The following EPB41L4B variants were observed in gnomAD, a reference collection of about 807,000 sequenced individuals.
The protein encoded by EPB41L4B is band 4.1-like protein 4B.
Under a neutral mutation model 112.5 loss-of-function variants are expected in EPB41L4B, and 30 were observed. The observed-to-expected ratio is 0.27, with a 90% CI of 0.20 to 0.36. The LOEUF (loss-of-function observed/expected upper bound fraction) is 0.36. Among genes scored for constraint, EPB41L4B ranks in the 10% least tolerant of loss-of-function variants. EPB41L4B has a pLI of 1.00. For synonymous variants in EPB41L4B, 408 were observed against 439.7 expected (o/e 0.93, Z 0.90); for missense variants, 1,024 against 1,133.3 (o/e 0.90, Z 1.38).
At chr9:109,309,753 CACAG>C (rs778487448) in intron 1 of EPB41L4B, among the ~76,000 whole-genome samples, 423 of 137,496 alleles carry the variant, frequency 3.1e-3, no homozygotes, top group African/African-American at 0.01. Flanking sequence ...GAAATACACA[CACAG>C]AGAGAGAGAG....
chr9:109,256,228 C>T lies in EPB41L4B; in HGVS notation c.841-4G>A, dbSNP rs371657885. 6 of 1,613,832 alleles carry T rather than the reference C, an allele frequency of 3.7e-6. No homozygotes were observed. The highest frequency in any genetic ancestry group is 1.1e-5 in the South Asian group (1 of 91,056). The stretch of plus-strand genomic sequence containing the variant: ...AATATTCACAGCCATCTCTTCCCTA[C>T]AAACAAACGAAGTGACAATCGGTAG... On this transcript the variant is annotated splice_region_variant and splice_polypyrimidine_tract_variant and intron_variant, in intron 8 of 25. Coordinates refer to ENST00000374566, the MANE Select transcript of EPB41L4B (RefSeq NM_019114.5).
chr9:109,217,136 G>A lies in EPB41L4B; in HGVS notation c.1419C>T (p.Leu473=). 1 of 1,613,836 alleles carries A rather than the reference G, an allele frequency of 6.2e-7. No homozygotes were observed. The highest frequency in any genetic ancestry group is 8.5e-7 in the Non-Finnish European group (1 of 1,180,038). Residue 473 remains leucine, a synonymous_variant, in exon 16 of 26, where the codon CTC becomes CTT. Coordinates refer to ENST00000374566, the MANE Select transcript of EPB41L4B (RefSeq NM_019114.5). The part of the protein sequence containing the change: ...HPHSPNVSYP[L]PSPVLSSSDR... ...CCGAGCTGCTAAGCACTGGGGAAGG[G>A]AGCGGGTAGCTGTGGAGGGTGACAC...
intron 17 of EPB41L4B, among the ~76,000 whole-genome samples, chr9:109,209,413 C>T (rs1033035927): frequency 1.2e-4 from 18 of 151,716 alleles, no homozygotes; most frequent in African/African-American, 3.9e-4. Flanking sequence ...GTAATCCCAG[C>T]GCTTTGGGAG....
chr9:109,298,238 A>T (rs1836814277), intron 1 of EPB41L4B, among the ~76,000 whole-genome samples: 1 of 151,958 alleles, frequency 6.6e-6, no homozygotes, highest in Non-Finnish European at 1.5e-5. Flanking sequence ...TAGAATCTTG[A>T]CTATAAGTTC....
intron 15 of EPB41L4B, among the ~76,000 whole-genome samples, chr9:109,226,648 TGAA>T (rs1181319379): frequency 3.8e-5 from 5 of 131,998 alleles, no homozygotes; most frequent in Non-Finnish European, 6.3e-5. Flanking sequence ...TATATATATA[TGAA>T]GAATATATAT....
intron 15 of EPB41L4B, among the ~76,000 whole-genome samples, chr9:109,237,023 G>A (rs1287923771): frequency 6.6e-6 from 1 of 152,192 alleles, no homozygotes; most frequent in Non-Finnish European, 1.5e-5. Flanking sequence ...TCTTTAATGA[G>A]CTCAGATTTT....
intron 24 of EPB41L4B, among the ~76,000 whole-genome samples, chr9:109,178,037 A>G (rs942713014): frequency 5.9e-5 from 9 of 151,290 alleles, no homozygotes; most frequent in Admixed American, 2.0e-4. Context: ...CTTCTGCCTA[A>G]GATTCTCAAG....
intron 1 of EPB41L4B, among the ~76,000 whole-genome samples, chr9:109,281,713 T>G (rs1294182632): frequency 7.6e-6 from 1 of 131,338 alleles, no homozygotes; most frequent in East Asian, 2.1e-4. Flanking sequence ...AATAAATAAA[T>G]AAATAAATAA....
intron 5 of EPB41L4B, among the ~76,000 whole-genome samples, chr9:109,263,509 G>A (rs755419648): frequency 1.1e-4 from 17 of 152,110 alleles, no homozygotes; most frequent in Admixed American, 2.6e-4. Flanking sequence ...AGGTCATAGC[G>A]TTAAAAATAA....
chr9:109,277,861 G>A (rs1348198999), intron 2 of EPB41L4B, among the ~76,000 whole-genome samples: 1 of 152,190 alleles, frequency 6.6e-6, no homozygotes, highest in East Asian at 1.9e-4. Context: ...ATCAAGGGAA[G>A]TTATCCTGGA....
chr9:109,267,468 C>A lies in EPB41L4B; in HGVS notation c.533+5G>T. The stretch of plus-strand genomic sequence containing the variant: ...GGCGGGAGCTTGTTCTGCATCGTGG[C>A]CTACCTTGTAAACTCCTCACGAAGG... On this transcript the variant is annotated splice_donor_5th_base_variant and intron_variant, in intron 4 of 25. Coordinates refer to ENST00000374566, the MANE Select transcript of EPB41L4B (RefSeq NM_019114.5). The A allele has an allele frequency of 6.2e-7, 1 of 1,605,570 alleles. No homozygotes were observed. Among genetic ancestry groups the A allele is most frequent in the Non-Finnish European group, 8.5e-7 (1 of 1,172,774 alleles).
chr9:109,252,352 G>A (rs533338979), intron 12 of EPB41L4B, among the ~76,000 whole-genome samples: 21 of 152,316 alleles, frequency 1.4e-4, no homozygotes, highest in Middle Eastern at 6.8e-3. Context: ...AACAGAGAGC[G>A]TTCTGGCCCC....
In EPB41L4B at chr9:109,255,666, C is replaced by A; in HGVS notation, c.1014G>T (p.Glu338Asp). ...TGTCTAACCGGAACACAAACGTGTG[C>A]TCTTGCTCACGTCCCTTAAAGAGGA... The part of the protein sequence containing the change: ...VEDDDQGREQ[E>D]HTFVFRLDSA... Residue 338 changes from glutamate to aspartate, a missense_variant, in exon 11 of 26, where the codon GAG (glutamate) becomes GAT (aspartate). Coordinates refer to ENST00000374566, the MANE Select transcript of EPB41L4B (RefSeq NM_019114.5). 1 of 1,612,788 alleles carries A rather than the reference C, an allele frequency of 6.2e-7. No individual in the cohort carries two copies. The highest frequency in any genetic ancestry group is 8.5e-7 in the Non-Finnish European group (1 of 1,178,830).
intron 24 of EPB41L4B, among the ~76,000 whole-genome samples, chr9:109,182,457 G>A (rs143430282): frequency 8.9e-4 from 136 of 152,292 alleles, no homozygotes; most frequent in African/African-American, 3.2e-3. Flanking sequence ...TTTGGAGGAC[G>A]CAATAAAAAT....
chr9:109,186,509 C>T (rs1229583420), intron 22 of EPB41L4B, among the ~76,000 whole-genome samples: 1 of 151,952 alleles, frequency 6.6e-6, no homozygotes, highest in Non-Finnish European at 1.5e-5. Flanking sequence ...GGGTCTTGCT[C>T]TGTCACCCAG....
At chr9:109,293,088 G>C (rs1836592857) in intron 1 of EPB41L4B, among the ~76,000 whole-genome samples, 1 of 152,180 alleles carries the variant, frequency 6.6e-6, no homozygotes, top group South Asian at 2.1e-4. Flanking sequence ...TCCCAGCTGT[G>C]AGCCCTGCTC....
chr9:109,250,325 G>C (rs1834733675), intron 13 of EPB41L4B, among the ~76,000 whole-genome samples: 1 of 152,102 alleles, frequency 6.6e-6, no homozygotes, highest in African/African-American at 2.4e-5. Context: ...CGCTCACCGG[G>C]GTATCTGCAA....
chr9:109,264,977 T>A lies in EPB41L4B; in HGVS notation c.578+3A>T. 1 of 1,605,464 alleles carries A rather than the reference T, an allele frequency of 6.2e-7. No individual in the cohort carries two copies. Among genetic ancestry groups the A allele is most frequent in the East Asian group, 2.2e-5 (1 of 44,668 alleles). On this transcript the variant is annotated splice_donor_region_variant and intron_variant, in intron 5 of 25. Coordinates refer to ENST00000374566, the MANE Select transcript of EPB41L4B (RefSeq NM_019114.5). ...TTAAGAGTTAGAACAAAAACATACT[T>A]ACTTTCCAGAAAGAATGTCATGCCT...
rs541763187 is a variant in EPB41L4B, at chr9:109,320,365, C to T, written c.82G>A (p.Gly28Arg). The change falls in exon 1 of 26, where the codon GGG (glycine) becomes AGG (arginine). Residue 28 changes from glycine (G) to arginine (R), a missense_variant. By Grantham distance (125) the Gly-to-Arg change is moderately radical. Transcript: ENST00000374566. ...ARGAAGRGAA[G>R]LGDERDGGPR... is the part of the protein sequence containing the mutation. ...CCCCCATCGCGCTCGTCCCCCAGCC[C>T]GGCGGCCCCGCGCCCCGCCGCGCCC... 4.9e-4 allele frequency: 486 copies of T among 983,256 alleles called. No homozygotes were observed. The highest frequency in any genetic ancestry group is 5.2e-4 in the Non-Finnish European group (431 of 829,824). The allele number at this position is 983,256 out of a possible 1,614,324, so 60.9% of individuals were successfully genotyped here.
Sources: gnomAD v4.1 joint callset for allele counts (sites outside exome capture counted in the v4.1 genomes callset) on GRCh38, gnomAD v4.1.1 for gene constraint, MANE v1.5 for transcripts, NCBI Gene and HGNC (gene_info 2026-07-23, HGNC 2026-07-21) for gene names.